The following LRGUK variants were observed in gnomAD, a reference collection of about 807,000 sequenced individuals.
LRGUK encodes the protein leucine-rich repeat and guanylate kinase domain-containing protein.
In LRGUK, 65 loss-of-function variants were observed where a neutral mutation model predicts 76.0. The observed-to-expected ratio is 0.85, with a 90% CI of 0.70 to 1.05. LRGUK has a LOEUF of 1.05. Among genes scored for constraint, LRGUK ranks in the 50% least tolerant of loss-of-function variants. The pLI, the probability that LRGUK is intolerant of heterozygous loss-of-function variation, is 0.00. For synonymous variants in LRGUK, 268 were observed against 265.6 expected (o/e 1.01, Z -0.09); for missense variants, 758 against 732.8 (o/e 1.03, Z -0.40).
intron 19 of LRGUK, among the ~76,000 whole-genome samples, chr7:134,261,229 T>C (rs1458849638): frequency 6.6e-6 from 1 of 152,198 alleles, no homozygotes; most frequent in Non-Finnish European, 1.5e-5. Context: ...GGTCAAACTC[T>C]CATGTCTTTT....
chr7:134,181,673 T>G (rs897620322), intron 10 of LRGUK, among the ~76,000 whole-genome samples: 24 of 152,166 alleles, frequency 1.6e-4, no homozygotes. Context: ...GTTATTTTTT[T>G]GAAAAAATAT....
At chr7:134,188,132 GTTC>G (rs1215144485) in intron 11 of LRGUK, among the ~76,000 whole-genome samples, 1 of 152,156 alleles carries the variant, frequency 6.6e-6, no homozygotes, top group African/African-American at 2.4e-5. Context: ...AACAGGCATG[GTTC>G]TTCTCCTCCT....
At chr7:134,209,327 C>A in exon 16 of LRGUK, 1 of 399,234 alleles carries the variant, frequency 2.5e-6, no homozygotes, top group African/African-American at 2.1e-5. Flanking sequence ...CAGTTCCCAC[C>A]ATGATCCTCC....
At chr7:134,231,744 C>T (rs1487682951) in intron 16 of LRGUK, among the ~76,000 whole-genome samples, 2 of 141,202 alleles carry the variant, frequency 1.4e-5, no homozygotes, top group Non-Finnish European at 3.1e-5. Context: ...TCCTTCCTCC[C>T]GTTCTCCCTC....
At chr7:134,264,554 T>C (rs1250562727) in exon 20 of LRGUK, 1 of 152,196 alleles carries the variant, frequency 6.6e-6, no homozygotes, top group Non-Finnish European at 1.5e-5. Context: ...TTGACTTACT[T>C]TAGCAACACG....
exon 16 of LRGUK, chr7:134,210,049 C>T (rs986087094): frequency 1.0e-5 from 4 of 399,742 alleles, no homozygotes; most frequent in Non-Finnish European, 1.3e-5. Context: ...CCTCACCCCA[C>T]AACCAGGGGC....
At chr7:134,183,209 G>A (rs550159539) in intron 10 of LRGUK, among the ~76,000 whole-genome samples, 4 of 152,296 alleles carry the variant, frequency 2.6e-5, no homozygotes, top group Admixed American at 6.5e-5. Context: ...GTTAAAAGGG[G>A]ATAATGACAG....
At position 134,168,190 on chromosome 7, in the gene LRGUK, C is replaced by A. The variant is rs148268415; in HGVS notation, c.939+4650C>A. The stretch of plus-strand genomic sequence containing the variant: ...CTGGGCAACATAGCAAGACTCCCAT[C>A]TCTTCCAAAAATAATAATAATAAAA... On this transcript the variant is annotated intron_variant, in intron 7 of 15. Transcript: ENST00000645682. 2.0e-3 allele frequency among the ~76,000 whole-genome samples: 299 copies of A among 152,058 alleles called. 2 individuals are homozygous for A. Among genetic ancestry groups the A allele is most frequent in the African/African-American group, 6.9e-3 (285 of 41,454 alleles).
At chr7:134,183,791 T>G in exon 11 of LRGUK, 1 of 1,614,144 alleles carries the variant, frequency 6.2e-7, no homozygotes, top group Non-Finnish European at 8.5e-7. Context: ...GTCCTGAAGC[T>G]TGTGGGAAAC....
At chr7:134,229,496 A>G (rs1034389027) in intron 16 of LRGUK, among the ~76,000 whole-genome samples, 1 of 152,196 alleles carries the variant, frequency 6.6e-6, no homozygotes, top group Non-Finnish European at 1.5e-5. Flanking sequence ...AGAAAAATGT[A>G]AAACATATTT....
At chr7:134,230,885 A>G (rs1229914049) in intron 16 of LRGUK, among the ~76,000 whole-genome samples, 1 of 152,228 alleles carries the variant, frequency 6.6e-6, no homozygotes, top group East Asian at 1.9e-4. Context: ...CAGAGGGGGA[A>G]AATGGTGGTA....
intron 1 of LRGUK, among the ~76,000 whole-genome samples, chr7:134,132,553 A>C (rs891120102): frequency 3.9e-5 from 6 of 152,162 alleles, no homozygotes; most frequent in Non-Finnish European, 4.4e-5. Flanking sequence ...AGGAGAACTA[A>C]GGCATAAAAA....
At chr7:134,254,431 C>T (rs992590703) in intron 18 of LRGUK, among the ~76,000 whole-genome samples, 7 of 152,178 alleles carry the variant, frequency 4.6e-5, no homozygotes, top group Admixed American at 6.5e-5. Context: ...CTCCCAGTTC[C>T]GGAGGCTGGG....
At chr7:134,213,110 C>A (rs189948876), downstream of LRGUK, among the ~76,000 whole-genome samples, 1 of 152,178 alleles carries the variant, frequency 6.6e-6, no homozygotes, top group South Asian at 2.1e-4. Context: ...GAGGCACGCG[C>A]AGGCATAGCA....
At chr7:134,235,576 T>C (rs1246012230) in intron 16 of LRGUK, among the ~76,000 whole-genome samples, 2 of 152,232 alleles carry the variant, frequency 1.3e-5, no homozygotes, top group Admixed American at 6.5e-5. Flanking sequence ...CACCCTCTAA[T>C]GCATTAGGCT....
intron 19 of LRGUK, among the ~76,000 whole-genome samples, chr7:134,258,711 T>A (rs1327184771): frequency 6.6e-6 from 1 of 151,792 alleles, no homozygotes; most frequent in African/African-American, 2.4e-5. Flanking sequence ...AAAAAAGGTA[T>A]GCGTTGTTTT....
intron 18 of LRGUK, among the ~76,000 whole-genome samples, chr7:134,251,023 C>A (rs1802430129): frequency 6.6e-6 from 1 of 152,162 alleles, no homozygotes; most frequent in East Asian, 1.9e-4. Context: ...AGAACTTGCT[C>A]TGTGATGCCT....
downstream of LRGUK, among the ~76,000 whole-genome samples, chr7:134,212,040 A>G (rs1381341085): frequency 6.6e-6 from 1 of 152,192 alleles, no homozygotes; most frequent in Non-Finnish European, 1.5e-5. Context: ...GTTTCTGCAC[A>G]TGGTGGGAAA....
intron 8 of LRGUK, 108 bp downstream of exon 8, chr7:134,174,744 A>G: frequency 1.4e-6 from 1 of 721,950 alleles, no homozygotes; most frequent in Non-Finnish European, 2.4e-6. Flanking sequence ...GAATATCAGG[A>G]ATGTGAATAG....
Sources: gnomAD v4.1 joint callset for allele counts (sites outside exome capture counted in the v4.1 genomes callset) on GRCh38, gnomAD v4.1.1 for gene constraint, MANE v1.5 for transcripts, NCBI Gene and HGNC (gene_info 2026-07-23, HGNC 2026-07-21) for gene names.